Variants in FYN observed in about 807,000 individuals in gnomAD.
FYN encodes tyrosine-protein kinase Fyn.
FYN carries 10 observed loss-of-function variants against 70.2 expected under a neutral mutation model. The observed-to-expected ratio is 0.14, with a 90% CI of 0.09 to 0.24. The LOEUF (loss-of-function observed/expected upper bound fraction) is 0.24, where lower values mean the gene tolerates loss of function less well. FYN is among the 10% of genes least tolerant of loss of function. The pLI, the probability that FYN is intolerant of heterozygous loss-of-function variation, is 1.00. For missense variants in FYN, 319 were observed against 673.1 expected, an observed-to-expected ratio of 0.47 and a Z score of 5.82; for synonymous variants, 236 against 248.6, an observed-to-expected ratio of 0.95 and a Z score of 0.48.
intron 9 of FYN, among the ~76,000 whole-genome samples, chr6:111,698,176 AGTGCAATG>A (rs60179837): frequency 0.26 from 38,764 of 151,556 alleles, 9,384 homozygotes; most frequent in African/African-American, 0.64. Flanking sequence ...CCCAGGCTGG[AGTGCAATG>A]GTGCAATGGT....
intron 3 of FYN, among the ~76,000 whole-genome samples, chr6:111,766,996 AAT>A (rs1354098198): frequency 6.6e-6 from 1 of 152,210 alleles, no homozygotes; most frequent in Non-Finnish European, 1.5e-5. Context: ...AAGCTGCAAA[AAT>A]ATATAGGGGA....
intron 2 of FYN, among the ~76,000 whole-genome samples, chr6:111,845,745 A>C (rs909663428): frequency 6.6e-6 from 1 of 152,170 alleles, no homozygotes; most frequent in African/African-American, 2.4e-5. Flanking sequence ...CACCCAAGGC[A>C]ATGTGGTTGG....
At chr6:111,795,420 A>C (rs544001054) in intron 2 of FYN, among the ~76,000 whole-genome samples, 3 of 152,332 alleles carry the variant, frequency 2.0e-5, no homozygotes, top group South Asian at 4.1e-4. Context: ...TAACTTCCAG[A>C]GCTGTGAGGG....
chr6:111,745,050 G>T (rs114188383), intron 3 of FYN, among the ~76,000 whole-genome samples: 1,699 of 152,212 alleles, frequency 0.011, 30 homozygotes, highest in African/African-American at 0.039. Flanking sequence ...CAACATTCTG[G>T]TTCTTATTTG....
At chr6:111,839,736 T>C (rs906033617) in intron 2 of FYN, among the ~76,000 whole-genome samples, 1 of 152,104 alleles carries the variant, frequency 6.6e-6, no homozygotes, top group Non-Finnish European at 1.5e-5. Context: ...AAAAAGGATT[T>C]TTCAGGGGTT....
chr6:111,742,282 T>C (rs970570741), intron 3 of FYN, among the ~76,000 whole-genome samples: 15 of 152,214 alleles, frequency 9.9e-5, no homozygotes, highest in African/African-American at 3.6e-4. Flanking sequence ...ATAAAGTTTA[T>C]GCTCATTCTC....
chr6:111,772,746 G>A (rs1209970049), intron 3 of FYN, among the ~76,000 whole-genome samples: 2 of 144,450 alleles, frequency 1.4e-5, no homozygotes, highest in African/African-American at 5.1e-5. Context: ...ATAGCACAGC[G>A]AACTTGAACT....
At chr6:111,668,082 T>G (rs982528028) in intron 13 of FYN, among the ~76,000 whole-genome samples, 1 of 152,234 alleles carries the variant, frequency 6.6e-6, no homozygotes, top group African/African-American at 2.4e-5. Context: ...TTTACATGTC[T>G]GTTGAGCAGT....
intron 2 of FYN, among the ~76,000 whole-genome samples, chr6:111,834,573 C>A (rs1429741204): frequency 6.6e-6 from 1 of 152,166 alleles, no homozygotes; most frequent in Non-Finnish European, 1.5e-5. Flanking sequence ...CAGGCTACTG[C>A]TGATGGGAAG....
intron 2 of FYN, among the ~76,000 whole-genome samples, chr6:111,806,716 A>ATACC (rs1437415343): frequency 6.6e-6 from 1 of 152,176 alleles, no homozygotes; most frequent in Non-Finnish European, 1.5e-5. Flanking sequence ...TAATTTTGCA[A>ATACC]TACCCACTGC....
chr6:111,826,111 G>C (rs1772826380), intron 2 of FYN, among the ~76,000 whole-genome samples: 1 of 152,144 alleles, frequency 6.6e-6, no homozygotes, highest in Non-Finnish European at 1.5e-5. Flanking sequence ...ATACAGGGAG[G>C]AGTGAAGACG....
intron 2 of FYN, among the ~76,000 whole-genome samples, chr6:111,804,299 G>T (rs1230051959): frequency 6.6e-6 from 1 of 152,114 alleles, no homozygotes; most frequent in Non-Finnish European, 1.5e-5. Flanking sequence ...GGAACTGGGG[G>T]GAACTGGGGA....
At chr6:111,774,426 A>T (rs887972381) in intron 3 of FYN, among the ~76,000 whole-genome samples, 2 of 152,180 alleles carry the variant, frequency 1.3e-5, no homozygotes, top group Non-Finnish European at 2.9e-5. Context: ...GGTGCTATGA[A>T]CACTGTGTTA....
At chr6:111,762,848 C>G (rs944271231) in intron 3 of FYN, among the ~76,000 whole-genome samples, 1 of 152,060 alleles carries the variant, frequency 6.6e-6, no homozygotes. Flanking sequence ...CCTGCCACCA[C>G]AGGTAACTAA....
chr6:111,828,653 T>A (rs1772913704), intron 2 of FYN, among the ~76,000 whole-genome samples: 1 of 152,178 alleles, frequency 6.6e-6, no homozygotes, highest in South Asian at 2.1e-4. Flanking sequence ...ATCAGCCAGT[T>A]GTAGGACACA....
At chr6:111,746,550 G>A (rs1802229552) in intron 3 of FYN, among the ~76,000 whole-genome samples, 1 of 152,130 alleles carries the variant, frequency 6.6e-6, no homozygotes, top group Non-Finnish European at 1.5e-5. Flanking sequence ...CATTATAGTA[G>A]CTTTTATTGC....
At chr6:111,708,417 G>T (rs113141684) in intron 5 of FYN, among the ~76,000 whole-genome samples, 61 of 152,250 alleles carry the variant, frequency 4.0e-4, no homozygotes, top group Non-Finnish European at 7.2e-4. Context: ...GGAGGTCTGA[G>T]GTCAATATGA....
intron 2 of FYN, among the ~76,000 whole-genome samples, chr6:111,786,672 G>C (rs1771401276): frequency 6.6e-6 from 1 of 152,186 alleles, no homozygotes. Context: ...CCAGTTTATA[G>C]TCCTACCAAC....
At chr6:111,772,335 G>C (rs79367361) in intron 3 of FYN, among the ~76,000 whole-genome samples, 191 of 152,198 alleles carry the variant, frequency 1.3e-3, no homozygotes, top group African/African-American at 4.4e-3. Flanking sequence ...AAAAATATCA[G>C]ACAATATTCC....
Sources: allele counts gnomAD v4.1 joint callset (sites outside exome capture counted in the v4.1 genomes callset), GRCh38; gene constraint gnomAD v4.1.1; transcripts MANE v1.5; gene names NCBI Gene and HGNC (gene_info 2026-07-23, HGNC 2026-07-21).